PPP6C: variants seen among roughly 807,000 people sequenced by gnomAD.
The protein encoded by PPP6C is protein phosphatase 6 catalytic subunit, also known as serine/threonine-protein phosphatase 6 catalytic subunit.
A neutral mutation model predicts 39.8 loss-of-function variants in PPP6C; 11 were observed. The observed-to-expected ratio is 0.28, with a 90% CI of 0.17 to 0.46. The LOEUF (loss-of-function observed/expected upper bound fraction) is 0.46, where lower values mean the gene tolerates loss of function less well. Ranked by LOEUF, PPP6C falls within the 20% of genes least tolerant of loss-of-function variation. The pLI is 1.00. For synonymous variants in PPP6C, 129 were observed against 130.3 expected (o/e 0.99, Z 0.07); for missense variants, 211 against 373.9 (o/e 0.56, Z 3.59).
rs149072822 is a variant in PPP6C at position 125,180,757 on chromosome 9, C to G, written c.75+8887G>C. 3.1e-4 allele frequency among the ~76,000 whole-genome samples: 47 copies of G among 152,268 alleles called. No homozygotes were observed. The East Asian group carries it at 8.7e-3, about 28-fold the overall frequency. On this transcript the variant is annotated intron_variant, in intron 1 of 6. Transcript: ENST00000373547. Reference sequence around the variant, plus strand: ...TTCAATGTGCCAGAATTTTCGCTGACATGTAACTGGTTCTCCTAGTCCATA... The same window carrying G: ...TTCAATGTGCCAGAATTTTCGCTGAGATGTAACTGGTTCTCCTAGTCCATA...
At chr9:125,175,288 C>T (rs1447326394) in intron 1 of PPP6C, among the ~76,000 whole-genome samples, 1 of 152,040 alleles carries the variant, frequency 6.6e-6, no homozygotes, top group Non-Finnish European at 1.5e-5. Context: ...AAACTTTATA[C>T]TGAAAGATGT....
chr9:125,167,829 TGGGGGGGGG>T (rs60500461), intron 2 of PPP6C, among the ~76,000 whole-genome samples: 1,921 of 53,302 alleles, frequency 0.036, 268 homozygotes, highest in Admixed American at 0.24. Flanking sequence ...GAGTTTGAGA[TGGGGGGGGG>T]GGGGGGGGGT....
chr9:125,160,766 T>A (rs748485140), intron 3 of PPP6C, 75 bp downstream of exon 3: 37 of 1,066,322 alleles, frequency 3.5e-5, no homozygotes, highest in Non-Finnish European at 4.6e-5. Context: ...TAAAGAATTA[T>A]TATGCAATTT....
intron 6 of PPP6C, chr9:125,150,890 A>G (rs2131295459): frequency 1.2e-6 from 1 of 860,808 alleles, no homozygotes; most frequent in Middle Eastern, 2.2e-4. Context: ...AGACTGCTTC[A>G]GCGAGCCAGC....
intron 1 of PPP6C, among the ~76,000 whole-genome samples, chr9:125,184,985 A>C (rs1050704285): frequency 2.0e-5 from 3 of 151,614 alleles, no homozygotes; most frequent in Admixed American, 1.3e-4. Context: ...AAAAAAAAAA[A>C]AAACCTCAGG....
chr9:125,151,692 GT>G, intron 6 of PPP6C: 1 of 273,068 alleles, frequency 3.7e-6, no homozygotes, highest in Non-Finnish European at 7.8e-6. Flanking sequence ...GCTTGCTCCA[GT>G]GTAGCTTTCT....
rs747455267 is a variant in PPP6C, at chr9:125,153,530, T to C, written c.669+3A>G. 2 of 1,613,864 alleles carry C rather than the reference T, an allele frequency of 1.2e-6. No individual in the cohort carries two copies. The highest frequency in any genetic ancestry group is 1.7e-6 in the Non-Finnish European group (2 of 1,179,836). On this transcript the variant is annotated splice_donor_region_variant and intron_variant, in intron 6 of 6. Transcript: ENST00000373547. ...ATTACATTTCCAAAAATGTTGGCTT[T>C]ACCTCATTTGTGACCTTTGCTCCAA...
intron 2 of PPP6C, among the ~76,000 whole-genome samples, chr9:125,167,948 C>T (rs1228204456): frequency 6.6e-6 from 1 of 151,962 alleles, no homozygotes; most frequent in East Asian, 1.9e-4. Context: ...AGCCATCATG[C>T]CCAGCCAGAC....
chr9:125,184,081 C>T (rs922010791), intron 1 of PPP6C, among the ~76,000 whole-genome samples: 1 of 152,122 alleles, frequency 6.6e-6, no homozygotes, highest in Non-Finnish European at 1.5e-5. Context: ...TAGCAAGACG[C>T]TATCCCTTAA....
At position 125,157,550 on chromosome 9, in the gene PPP6C, A is replaced by AAC. The variant is rs111896842; in HGVS notation, c.379+689_379+690dup. Among the ~76,000 whole-genome samples the AAC allele has an allele frequency of 9.2e-4, 140 of 151,764 alleles. 1 individual carries two copies. The highest frequency in any genetic ancestry group is 9.1e-4 in the Non-Finnish European group (62 of 67,862). On this transcript the variant is annotated intron_variant, in intron 4 of 6. Coordinates refer to ENST00000373547, the MANE Select transcript of PPP6C (RefSeq NM_002721.5). ...GTTTGTACATATATAAACACACATA[A>AAC]ACACACACACACACATACAAAATGG...
intron 6 of PPP6C, chr9:125,151,014 T>C: frequency 7.3e-7 from 1 of 1,374,676 alleles, no homozygotes. Context: ...CAGATCATAT[T>C]ATCACCATGG....
chr9:125,177,429 G>T (rs1352254218), intron 1 of PPP6C, among the ~76,000 whole-genome samples: 1 of 152,068 alleles, frequency 6.6e-6, no homozygotes, highest in African/African-American at 2.4e-5. Context: ...GGGCACAGTG[G>T]CTCGCGCCTG....
intron 3 of PPP6C, among the ~76,000 whole-genome samples, chr9:125,159,829 C>T (rs1828815639): frequency 6.6e-6 from 1 of 152,158 alleles, no homozygotes; most frequent in South Asian, 2.1e-4. Flanking sequence ...CCAGACCATC[C>T]TGGCCAACAT....
At chr9:125,159,210 G>GT (rs1439707343) in intron 3 of PPP6C, among the ~76,000 whole-genome samples, 1 of 137,764 alleles carries the variant, frequency 7.3e-6, no homozygotes, top group African/African-American at 2.7e-5. Flanking sequence ...GGCTAATTTT[G>GT]TATTTTTTTT....
intron 2 of PPP6C, among the ~76,000 whole-genome samples, chr9:125,165,715 C>T (rs1424956229): frequency 6.6e-6 from 1 of 151,058 alleles, no homozygotes; most frequent in East Asian, 1.9e-4. Context: ...AATACTGTAC[C>T]AAAATTTGAC....
intron 4 of PPP6C, among the ~76,000 whole-genome samples, chr9:125,155,949 A>G (rs1269746174): frequency 6.6e-6 from 1 of 151,818 alleles, no homozygotes; most frequent in Non-Finnish European, 1.5e-5. Context: ...ATATATAACA[A>G]TATGTATTTT....
At chr9:125,174,600 T>A (rs1010237975) in intron 1 of PPP6C, among the ~76,000 whole-genome samples, 32 of 151,680 alleles carry the variant, frequency 2.1e-4, no homozygotes, top group African/African-American at 7.5e-4. Context: ...AGTACATCCA[T>A]CACTCATTAA....
chr9:125,167,379 C>CAAAAAAAAAAAAA (rs758123351), intron 2 of PPP6C, among the ~76,000 whole-genome samples: 31 of 56,076 alleles, frequency 5.5e-4, no homozygotes, highest in African/African-American at 1.8e-3. Context: ...AGACCCTGTC[C>CAAAAAAAAAAAAA]AAAAAAAAAA....
chr9:125,182,452 G>A (rs1829439090), intron 1 of PPP6C, among the ~76,000 whole-genome samples: 1 of 151,972 alleles, frequency 6.6e-6, no homozygotes, highest in African/African-American at 2.4e-5. Context: ...GACTAGCTTG[G>A]GCAACATAGC....
Sources: allele counts gnomAD v4.1 joint callset (sites outside exome capture counted in the v4.1 genomes callset), GRCh38; gene constraint gnomAD v4.1.1; transcripts MANE v1.5; gene names NCBI Gene and HGNC (gene_info 2026-07-23, HGNC 2026-07-21).